PER2: variants seen among roughly 807,000 people sequenced by gnomAD.
The protein encoded by PER2 is period circadian protein homolog 2.
PER2 carries 66 observed loss-of-function variants against 121.0 expected under a neutral mutation model. The ratio of observed to expected loss-of-function variants is 0.55; its 90% confidence interval spans 0.45 to 0.67. PER2 has a LOEUF of 0.67. Among genes scored for constraint, PER2 ranks in the 30% least tolerant of loss-of-function variants. The probability of loss-of-function intolerance (pLI) is 0.00; values close to 1 mark genes in which losing one functional copy is unlikely to be tolerated. For synonymous variants in PER2, 684 were observed against 659.9 expected (o/e 1.04, Z -0.56); for missense variants, 1,521 against 1,635.0 (o/e 0.93, Z 1.20).
At chr2:238,291,852 G>A (rs755767938), upstream of PER2, among the ~76,000 whole-genome samples, 1 of 152,228 alleles carries the variant, frequency 6.6e-6, no homozygotes, top group African/African-American at 2.4e-5. Flanking sequence ...TGACCCGAGG[G>A]CAGGTGCCTG....
upstream of PER2, among the ~76,000 whole-genome samples, chr2:238,291,803 C>G (rs538066565): frequency 9.8e-5 from 15 of 152,320 alleles, no homozygotes; most frequent in African/African-American, 2.6e-4. Flanking sequence ...GCACCTGTGT[C>G]CAGGGTCTCA....
intron 1 of PER2, among the ~76,000 whole-genome samples, chr2:238,282,833 C>T (rs898895367): frequency 2.6e-5 from 4 of 152,372 alleles, no homozygotes; most frequent in African/African-American, 7.2e-5. Context: ...CTGGGAGTGA[C>T]ATTTCAATGA....
At chr2:238,278,086 G>GTCTCTCTGTCTC (rs1205503414) in intron 1 of PER2, 131 bp from the exon 2 acceptor site, 2 of 935,892 alleles carry the variant, frequency 2.1e-6, no homozygotes, top group Non-Finnish European at 1.6e-6. Flanking sequence ...TCTTCTCTCT[G>GTCTCTCTGTCTC]TCTCTCTCTC....
At chr2:238,289,145 C>T (rs1696890767), upstream of PER2, 1 of 152,292 alleles carries the variant, frequency 6.6e-6, no homozygotes, top group Admixed American at 6.5e-5. Flanking sequence ...CTCCTGCGCA[C>T]CTCCGGCCGG....
chr2:238,250,986 T>C (rs1017531028), intron 20 of PER2, among the ~76,000 whole-genome samples: 1 of 152,212 alleles, frequency 6.6e-6, no homozygotes, highest in Non-Finnish European at 1.5e-5. Flanking sequence ...GCAGCTCAGG[T>C]GGAGCTGCGT....
intron 1 of PER2, among the ~76,000 whole-genome samples, chr2:238,284,386 A>G (rs1261510784): frequency 3.3e-5 from 5 of 151,424 alleles, no homozygotes; most frequent in African/African-American, 1.2e-4. Context: ...AGGCTGCAGT[A>G]AGCCAAGATT....
chr2:238,261,943 C>G, intron 11 of PER2, 106 bp from the exon 12 acceptor site: 4 of 817,916 alleles, frequency 4.9e-6, no homozygotes, highest in African/African-American at 1.7e-5. Context: ...CCCTCTGCCT[C>G]TCCCCTGCAG....
chr2:238,274,307 G>A (rs1442561845), intron 4 of PER2, among the ~76,000 whole-genome samples: 4 of 152,222 alleles, frequency 2.6e-5, no homozygotes, highest in East Asian at 1.9e-4. Context: ...TTGCCCTCAG[G>A]GCTCAACAGG....
chr2:238,258,789 G>C, intron 14 of PER2, 145 bp from the exon 15 acceptor site: 1 of 827,756 alleles, frequency 1.2e-6, no homozygotes, highest in East Asian at 2.6e-5. Flanking sequence ...GGACAGCCTG[G>C]CATCTGGCAG....
intron 9 of PER2, among the ~76,000 whole-genome samples, chr2:238,263,505 C>T (rs182930307): frequency 5.3e-5 from 8 of 152,194 alleles, no homozygotes; most frequent in African/African-American, 9.6e-5. Context: ...GCCTCAGCAT[C>T]CAGTTGGTTT....
chr2:238,280,155 G>A (rs1380572506), intron 1 of PER2, among the ~76,000 whole-genome samples: 1 of 152,214 alleles, frequency 6.6e-6, no homozygotes, highest in African/African-American at 2.4e-5. Flanking sequence ...GCAATACTGA[G>A]GGCTACACAT....
rs1175460660 is a variant in PER2 at position 238,251,646 on chromosome 2, G to T, written c.3227C>A (p.Ser1076Tyr). The part of the protein sequence containing the change: ...CSASGSAASE[S>Y]LGSGSLGCDA... ...GCAGCCCAGTGAGCCGGAGCCCAGA[G>T]ACTCCGAAGCAGCAGAGCCCGAGGC... The change falls in exon 20 of 23, where the codon TCT (serine) becomes TAT (tyrosine). Residue 1076 changes from serine (S) to tyrosine (Y), a missense_variant. Ser to Tyr is a moderately radical substitution (Grantham distance 144). Transcript: ENST00000254657. The T allele has an allele frequency of 2.5e-6, 4 of 1,614,098 alleles. No individual in the cohort carries two copies. Among genetic ancestry groups the T allele is most frequent in the South Asian group, 1.1e-5 (1 of 91,092 alleles).
intron 20 of PER2, among the ~76,000 whole-genome samples, chr2:238,251,119 G>A (rs1304134727): frequency 1.3e-5 from 2 of 152,260 alleles, no homozygotes; most frequent in Non-Finnish European, 1.5e-5. Flanking sequence ...AGCCTCACCT[G>A]TGCAGCACGC....
At chr2:238,250,815 C>T (rs1429612248) in intron 20 of PER2, 72 bp from the exon 21 acceptor site, 2 of 1,094,346 alleles carry the variant, frequency 1.8e-6, no homozygotes, top group African/African-American at 3.1e-5. Flanking sequence ...TGTGCTTCCT[C>T]AAAGTCAGAA....
chr2:238,262,152 C>T, intron 11 of PER2, 39 bp downstream of exon 11: 1 of 1,605,628 alleles, frequency 6.2e-7, no homozygotes, highest in Non-Finnish European at 8.5e-7. Context: ...GACCCCCGCC[C>T]AAGACCCCTG....
At position 238,277,188 on chromosome 2, in the gene PER2, T is replaced by C; in HGVS notation, c.236A>G (p.Asp79Gly). The change falls in exon 3 of 23, where the codon GAT becomes GGT. Residue 79 changes from aspartate to glycine, a missense_variant. Transcript: ENST00000254657. ...TTTTGCCATCATCAGGCTAAAGGTA[T>C]CTGGACTATGAAAACAAAAAATAAA... The part of the protein sequence containing the change: ...VEPPDARQSP[D>G]TFSLMMAKSE... 1.2e-6 allele frequency: 2 copies of C among 1,611,852 alleles called. No homozygotes were observed. The highest frequency in any genetic ancestry group is 1.7e-6 in the Non-Finnish European group (2 of 1,177,894).
Position 238,255,882 on chromosome 2 carries a change from C to T in PER2, c.2095G>A (p.Glu699Lys), listed in dbSNP as rs1169057571. The T allele has an allele frequency of 2.7e-5, 43 of 1,614,130 alleles. No individual in the cohort carries two copies. The highest frequency in any genetic ancestry group is 3.6e-5 in the Non-Finnish European group (42 of 1,180,042). The part of the protein sequence containing the change: ...EMVEDAASGP[E>K]SLDCLAGPAL... ...GGGCCCGCCAGGCAGTCCAGGGATT[C>T]TGGCCCACTCGCAGCATCTTCCACC... The change falls in exon 18 of 23, where the codon GAA becomes AAA. Residue 699 changes from glutamate (E) to lysine (K), a missense_variant. Physicochemically the swap from Glu to Lys is moderately conservative, Grantham distance 56 (BLOSUM62 1). Transcript: ENST00000254657.
At chr2:238,283,966 G>C (rs986757444) in intron 1 of PER2, among the ~76,000 whole-genome samples, 13 of 152,112 alleles carry the variant, frequency 8.5e-5, no homozygotes, top group African/African-American at 3.1e-4. Flanking sequence ...GTTTCAGCTG[G>C]GTTCCACCAC....
At position 238,246,397 on chromosome 2, in the gene PER2, TGATTCAAGGGG is replaced by T. The variant is rs1474737523; in HGVS notation, c.3735_3745del (p.Pro1246GlnfsTer28). The T allele has an allele frequency of 1.2e-6, 2 of 1,611,634 alleles. No homozygotes were observed. The highest frequency in any genetic ancestry group is 1.7e-6 in the Non-Finnish European group (2 of 1,178,592). ...GGGTTACGTCTGCTCTTCGATCCTG[TGATTCAAGGGG>T]GATCCATTTTCGTCTTCTTTGGTGT... On this transcript the variant is annotated frameshift_variant, in exon 23 of 23. Transcript: ENST00000254657. LOFTEE classifies it low-confidence loss of function (END_TRUNC).
Sources: gnomAD v4.1 joint callset for allele counts (sites outside exome capture counted in the v4.1 genomes callset) on GRCh38, gnomAD v4.1.1 for gene constraint, MANE v1.5 for transcripts, NCBI Gene and HGNC (gene_info 2026-07-23, HGNC 2026-07-21) for gene names.